PAK5: variants seen among roughly 807,000 people sequenced by gnomAD.
The protein encoded by PAK5 is serine/threonine-protein kinase PAK 5.
In PAK5, 16 loss-of-function variants were observed where a neutral mutation model predicts 65.9. The ratio of observed to expected loss-of-function variants is 0.24; its 90% CI spans 0.16 to 0.37. PAK5 has a LOEUF of 0.37. PAK5 is among the 10% of genes least tolerant of loss of function. The pLI is 1.00. For missense variants in PAK5, 785 were observed against 903.9 expected, an observed-to-expected ratio of 0.87 and a Z score of 1.69; for synonymous variants, 371 against 354.9, an observed-to-expected ratio of 1.05 and a Z score of -0.51.
chr20:9,649,344 C>T (rs762158920), intron 2 of PAK5, among the ~76,000 whole-genome samples: 1 of 152,158 alleles, frequency 6.6e-6, no homozygotes, highest in Non-Finnish European at 1.5e-5. Context: ...TCCCAGAATC[C>T]TTGTTTCTGA....
chr20:9,717,900 G>C, intron 1 of PAK5, among the ~76,000 whole-genome samples: 1 of 152,186 alleles, frequency 6.6e-6, no homozygotes, highest in East Asian at 1.9e-4. Context: ...CATTACAGGT[G>C]TGAGCCACAG....
intron 2 of PAK5, among the ~76,000 whole-genome samples, chr20:9,655,457 A>T (rs931149504): frequency 6.6e-6 from 1 of 152,160 alleles, no homozygotes; most frequent in Non-Finnish European, 1.5e-5. Context: ...ATGTTAAAAA[A>T]AAATAAAAAA....
At chr20:9,754,784 G>A (rs2048615057) in intron 1 of PAK5, among the ~76,000 whole-genome samples, 1 of 152,208 alleles carries the variant, frequency 6.6e-6, no homozygotes, top group Admixed American at 6.5e-5. Context: ...AATGAACAAG[G>A]ACAGTTTGGA....
chr20:9,724,838 C>T (rs2048257661), intron 1 of PAK5, among the ~76,000 whole-genome samples: 1 of 151,982 alleles, frequency 6.6e-6, no homozygotes, highest in Admixed American at 6.6e-5. Context: ...TTTGCTAGCA[C>T]AGTAGCATAA....
At chr20:9,630,779 C>T (rs996447117) in intron 3 of PAK5, among the ~76,000 whole-genome samples, 1 of 152,208 alleles carries the variant, frequency 6.6e-6, no homozygotes, top group East Asian at 1.9e-4. Flanking sequence ...AATCAGGGAA[C>T]TCCTAACATT....
chr20:9,655,451 T>TA (rs904158651), intron 2 of PAK5, among the ~76,000 whole-genome samples: 27 of 150,212 alleles, frequency 1.8e-4, no homozygotes, highest in Non-Finnish European at 3.0e-4. Context: ...GGTGTTATGT[T>TA]AAAAAAAAAT....
intron 1 of PAK5, among the ~76,000 whole-genome samples, chr20:9,819,590 ATTCT>A (rs1229659915): frequency 6.6e-6 from 1 of 151,768 alleles, no homozygotes. Flanking sequence ...GCCTGACCAC[ATTCT>A]TTGCTATGCT....
chr20:9,766,387 TG>T lies in PAK5; in HGVS notation c.-161-54953del, dbSNP rs1317203177. On this transcript the variant is annotated intron_variant, in intron 1 of 9. Coordinates refer to ENST00000353224, the MANE Select transcript of PAK5 (RefSeq NM_177990.4). ...TATATATATTCAAGCAGAATATATA[TG>T]TATATATATATTCAAGCAGAATATA... Among the ~76,000 whole-genome samples the T allele has an allele frequency of 1.6e-4, 9 of 57,390 alleles. 2 individuals carry two copies. In the South Asian group the frequency reaches 6.2e-3, roughly 40 times the overall value. 37.7% of individuals were successfully genotyped at this position (57,390 alleles called of 152,430 possible).
At chr20:9,819,507 G>A (rs2049394823) in intron 1 of PAK5, among the ~76,000 whole-genome samples, 1 of 152,066 alleles carries the variant, frequency 6.6e-6, no homozygotes, top group South Asian at 2.1e-4. Context: ...AAATCTTTGT[G>A]GAGACTATAA....
At chr20:9,645,720 G>T (rs2047125558) in intron 2 of PAK5, among the ~76,000 whole-genome samples, 1 of 152,114 alleles carries the variant, frequency 6.6e-6, no homozygotes, top group South Asian at 2.1e-4. Context: ...GAGTAGCTGG[G>T]ACTACAGGTG....
At chr20:9,722,591 G>T (rs1224370820) in intron 1 of PAK5, among the ~76,000 whole-genome samples, 1 of 151,768 alleles carries the variant, frequency 6.6e-6, no homozygotes, top group Non-Finnish European at 1.5e-5. Context: ...CAGCCTGGGG[G>T]GACAGAGCGA....
At chr20:9,661,341 C>G (rs180949416) in intron 2 of PAK5, among the ~76,000 whole-genome samples, 4 of 152,110 alleles carry the variant, frequency 2.6e-5, no homozygotes, top group Non-Finnish European at 5.9e-5. Context: ...CTCCACCACC[C>G]AAAGTCTCTC....
intron 1 of PAK5, among the ~76,000 whole-genome samples, chr20:9,738,640 C>T (rs549465060): frequency 1.2e-4 from 18 of 152,174 alleles, no homozygotes; most frequent in African/African-American, 4.3e-4. Context: ...GAAAGAAGAT[C>T]AGTGGTTTCC....
intron 3 of PAK5, among the ~76,000 whole-genome samples, chr20:9,633,938 C>T (rs2123236118): frequency 6.6e-6 from 1 of 152,324 alleles, no homozygotes; most frequent in Non-Finnish European, 1.5e-5. Flanking sequence ...TTACCTTGGT[C>T]TTGAGGTGGC....
At chr20:9,662,025 A>G (rs2047353588) in intron 2 of PAK5, among the ~76,000 whole-genome samples, 1 of 152,148 alleles carries the variant, frequency 6.6e-6, no homozygotes, top group South Asian at 2.1e-4. Flanking sequence ...ATATACTACA[A>G]TAGAAGCTTG....
intron 1 of PAK5, among the ~76,000 whole-genome samples, chr20:9,834,641 T>C (rs1039030653): frequency 1.3e-5 from 2 of 152,186 alleles, no homozygotes; most frequent in East Asian, 3.8e-4. Context: ...CAACAAATTA[T>C]TAATTCACAA....
At chr20:9,629,146 C>G (rs1175265281) in intron 3 of PAK5, among the ~76,000 whole-genome samples, 1 of 152,142 alleles carries the variant, frequency 6.6e-6, no homozygotes, top group Non-Finnish European at 1.5e-5. Flanking sequence ...GGGAATGTAG[C>G]CCAGCTGACA....
chr20:9,718,181 T>A (rs993537148), intron 1 of PAK5, among the ~76,000 whole-genome samples: 1 of 151,996 alleles, frequency 6.6e-6, no homozygotes, highest in African/African-American at 2.4e-5. Context: ...ACTCTAAAAT[T>A]TAAACTTTAA....
At chr20:9,820,437 T>G (rs781225548) in intron 1 of PAK5, among the ~76,000 whole-genome samples, 1 of 152,176 alleles carries the variant, frequency 6.6e-6, no homozygotes, top group Non-Finnish European at 1.5e-5. Context: ...GATCTACTCC[T>G]CACCTCCTCC....
Sources: gnomAD v4.1 joint callset for allele counts (sites outside exome capture counted in the v4.1 genomes callset) on GRCh38, gnomAD v4.1.1 for gene constraint, MANE v1.5 for transcripts, NCBI Gene and HGNC (gene_info 2026-07-23, HGNC 2026-07-21) for gene names.